Variants in IPO8 observed in about 807,000 individuals in gnomAD.
IPO8 encodes the protein importin 8, also known as importin-8.
IPO8 carries 65 observed loss-of-function variants against 141.2 expected under a neutral mutation model. That is an observed-to-expected ratio of 0.46 (90% CI 0.38 to 0.57). The LOEUF (loss-of-function observed/expected upper bound fraction) is 0.57. IPO8 is among the 20% of genes least tolerant of loss of function. The pLI is 0.00. For missense variants in IPO8, 980 were observed against 1,246.8 expected (o/e 0.79, Z 3.22); for synonymous variants, 411 against 420.3 (o/e 0.98, Z 0.27).
intron 16 of IPO8, among the ~76,000 whole-genome samples, chr12:30,660,790 C>A (rs545009440): frequency 4.6e-5 from 7 of 152,226 alleles, no homozygotes; most frequent in South Asian, 4.1e-4. Context: ...ACCAAGAATT[C>A]TAGATTGTTG....
Position 30,671,002 on chromosome 12 carries a change from A to G in IPO8, c.1004T>C (p.Val335Ala), listed in dbSNP as rs2053039242. Residue 335 changes from valine (V) to alanine (A), a missense_variant, in exon 9 of 25, where the codon GTT becomes GCT. By Grantham distance (64) the Val-to-Ala change is moderately conservative. Coordinates refer to ENST00000256079, the MANE Select transcript of IPO8 (RefSeq NM_006390.4). ...CATCTGCTTCCAGGTTATAGAATGA[A>G]CCACCCCTTGGTTGAGATAGTTGAA... ...QAFNYLNQGV[V>A]HSITWKQMKP... 3.1e-6 allele frequency: 5 copies of G among 1,613,186 alleles called. No individual in the cohort carries two copies. The highest frequency in any genetic ancestry group is 3.4e-6 in the Non-Finnish European group (4 of 1,179,180).
chr12:30,685,832 G>C (rs1389250171), intron 2 of IPO8, among the ~76,000 whole-genome samples: 1 of 150,588 alleles, frequency 6.6e-6, no homozygotes, highest in African/African-American at 2.5e-5. Context: ...GAACCCAGGA[G>C]GCGGAGGTTG....
chr12:30,690,399 A>C (rs933719257), intron 2 of IPO8, 97 bp downstream of exon 2: 6 of 762,826 alleles, frequency 7.9e-6, no homozygotes, highest in Non-Finnish European at 1.3e-5. Context: ...AGTGCTTCTG[A>C]ATTTTTCAAT....
chr12:30,679,100 A>G lies in IPO8; in HGVS notation c.639+1382T>C, dbSNP rs113753315. Among the ~76,000 whole-genome samples the G allele has an allele frequency of 6.2e-3, 947 of 152,210 alleles. 10 individuals are homozygous for G. Among genetic ancestry groups the G allele is most frequent in the African/African-American group, 0.022 (915 of 41,528 alleles). On this transcript the variant is annotated intron_variant, in intron 5 of 24. Coordinates refer to ENST00000256079, the MANE Select transcript of IPO8 (RefSeq NM_006390.4). ...GTGACCCACCCACCTTGGCCTCCCAACGTGCTGGGATTACAGACCTGACCC... is the reference window on the plus strand; with the variant it reads ...GTGACCCACCCACCTTGGCCTCCCAGCGTGCTGGGATTACAGACCTGACCC...
chr12:30,638,016 C>T (rs376565562), intron 21 of IPO8, among the ~76,000 whole-genome samples: 2 of 152,296 alleles, frequency 1.3e-5, no homozygotes, highest in Non-Finnish European at 2.9e-5. Context: ...CCAACTAGTA[C>T]GCTATAACAG....
At chr12:30,631,484 C>A in intron 24 of IPO8, 1 of 164,312 alleles carries the variant, frequency 6.1e-6, no homozygotes, top group Non-Finnish European at 1.3e-5. Context: ...AAATAAAGCC[C>A]AACAATGAGA....
At chr12:30,638,684 T>C (rs2052535212) in intron 21 of IPO8, among the ~76,000 whole-genome samples, 1 of 151,420 alleles carries the variant, frequency 6.6e-6, no homozygotes, top group Non-Finnish European at 1.5e-5. Context: ...CCTATTTTTT[T>C]GAGATGGAGT....
chr12:30,659,901 A>G (rs1049663589), intron 16 of IPO8, among the ~76,000 whole-genome samples: 9 of 150,350 alleles, frequency 6.0e-5, no homozygotes, highest in Non-Finnish European at 1.3e-4. Context: ...AAAACCCAAC[A>G]GCTACATGGT....
chr12:30,660,418 T>C (rs1350324675), intron 16 of IPO8, among the ~76,000 whole-genome samples: 1 of 152,202 alleles, frequency 6.6e-6, no homozygotes, highest in Non-Finnish European at 1.5e-5. Context: ...GATAAACTGA[T>C]ACATTATCAA....
At chr12:30,654,750 T>C (rs534241600) in intron 17 of IPO8, among the ~76,000 whole-genome samples, 86 of 152,180 alleles carry the variant, frequency 5.7e-4, no homozygotes, top group African/African-American at 2.0e-3. Context: ...TGTATACTCT[T>C]GGTGAGAGAG....
intron 20 of IPO8, among the ~76,000 whole-genome samples, chr12:30,639,997 G>C (rs189692240): frequency 5.6e-4 from 85 of 152,320 alleles, no homozygotes; most frequent in Non-Finnish European, 1.1e-3. Context: ...AGATTGTCCT[G>C]TAAGAGTCCA....
chr12:30,656,201 T>A (rs2052797601), intron 17 of IPO8, among the ~76,000 whole-genome samples: 1 of 152,124 alleles, frequency 6.6e-6, no homozygotes, highest in African/African-American at 2.4e-5. Context: ...CACACTCAGC[T>A]AATTTTTTTT....
chr12:30,695,819 C>T lies in IPO8; in HGVS notation c.-172G>A. ...GCTGCGCCACTCTGACTCCGCGCCC[C>T]CTGTCCTCCCTTTTTCCCCCCCACA... On this transcript the variant is annotated 5_prime_UTR_variant, in exon 1 of 25. Coordinates refer to ENST00000256079, the MANE Select transcript of IPO8 (RefSeq NM_006390.4). The surrounding 1 kb of genome is among the most constrained non-coding windows in gnomAD (Gnocchi z 4.2). 1 of 555,980 alleles carries T rather than the reference C, an allele frequency of 1.8e-6. No homozygotes were observed. Among genetic ancestry groups the T allele is most frequent in the East Asian group, 3.2e-5 (1 of 31,202 alleles). 34.4% of individuals were successfully genotyped at this position (555,980 alleles called of 1,614,324 possible).
At chr12:30,645,111 C>A (rs1434435264) in intron 20 of IPO8, among the ~76,000 whole-genome samples, 1 of 151,924 alleles carries the variant, frequency 6.6e-6, no homozygotes, top group Non-Finnish European at 1.5e-5. Context: ...CGGTGGCTCA[C>A]GCCTGTAATC....
chr12:30,649,194 A>G lies in IPO8; in HGVS notation c.2211T>C (p.His737=), dbSNP rs1485794932. Residue 737 remains histidine, a synonymous_variant, in exon 20 of 25, where the codon CAT becomes CAC. Coordinates refer to ENST00000256079, the MANE Select transcript of IPO8 (RefSeq NM_006390.4). ...TGATGACTTCCAGAAGTTTAGCTGC[A>G]TGACACTCTGCATCTTCTCCTGCAT... The part of the protein sequence containing the change: ...CGDAGEDAEC[H]AAKLLEVIIL... The G allele has an allele frequency of 4.3e-6, 7 of 1,613,288 alleles. No individual in the cohort carries two copies. Among genetic ancestry groups the G allele is most frequent in the Non-Finnish European group, 5.9e-6 (7 of 1,179,534 alleles).
rs755566633 is a variant in IPO8 at position 30,661,234 on chromosome 12, A to G, written c.1788T>C (p.Asp596=). The G allele has an allele frequency of 8.8e-6, 14 of 1,597,422 alleles. No individual in the cohort carries two copies. In the Admixed American group the frequency reaches 2.1e-4, roughly 24 times the overall value. ...TTTTGTCTTCAACTTCTTCATATTC[A>G]TCACTTTGAAGAACTTTGCCAAATA... ...AEIFGKVLQS[D]EYEEVEDKTV... The change falls in exon 16 of 25, where the codon GAT becomes GAC. Residue 596 remains aspartate, a synonymous_variant. Transcript: ENST00000256079.
At chr12:30,665,937 C>T in intron 11 of IPO8, 92 bp from the exon 12 acceptor site, 2 of 831,688 alleles carry the variant, frequency 2.4e-6, no homozygotes, top group Non-Finnish European at 3.8e-6. Context: ...AAAAATAAAG[C>T]CATTTTATTA....
At chr12:30,654,540 A>C (rs940422158) in intron 17 of IPO8, among the ~76,000 whole-genome samples, 1 of 152,060 alleles carries the variant, frequency 6.6e-6, no homozygotes, top group Non-Finnish European at 1.5e-5. Flanking sequence ...AAATAACCCA[A>C]CTTAAAAATG....
At chr12:30,676,470 ATTT>A in intron 6 of IPO8, 25 bp downstream of exon 6, 1 of 1,537,942 alleles carries the variant, frequency 6.5e-7, no homozygotes. Flanking sequence ...CGTTTCCCCT[ATTT>A]TTCTTGGGAA....
Sources: gnomAD v4.1 joint callset for allele counts (sites outside exome capture counted in the v4.1 genomes callset) on GRCh38, gnomAD v4.1.1 for gene constraint, Gnocchi (gnomAD v3.1) non-coding constraint, MANE v1.5 for transcripts, NCBI Gene and HGNC (gene_info 2026-07-23, HGNC 2026-07-21) for gene names.